Variants in NKAIN2 observed in about 807,000 individuals in gnomAD.
NKAIN2 encodes the protein sodium/potassium transporting ATPase interacting 2, also known as sodium/potassium-transporting ATPase subunit beta-1-interacting protein 2.
NKAIN2 carries 14 observed loss-of-function variants against 32.6 expected under a neutral mutation model. The observed-to-expected ratio is 0.43, with a 90% CI of 0.28 to 0.67. NKAIN2 has a LOEUF of 0.67. NKAIN2 is among the 30% of genes least tolerant of loss of function. NKAIN2 has a pLI of 0.17. For synonymous variants in NKAIN2, 80 were observed against 87.2 expected (o/e 0.92, Z 0.46); for missense variants, 198 against 258.3 (o/e 0.77, Z 1.60).
chr6:124,635,910 T>C (rs577773479), intron 3 of NKAIN2, among the ~76,000 whole-genome samples: 32 of 151,946 alleles, frequency 2.1e-4, no homozygotes, highest in African/African-American at 5.3e-4. Context: ...CAAAGAAACA[T>C]TGGACTTGAA....
chr6:123,922,289 T>C (rs1352946286), intron 1 of NKAIN2, among the ~76,000 whole-genome samples: 6 of 152,208 alleles, frequency 3.9e-5, no homozygotes, highest in Admixed American at 1.3e-4. Flanking sequence ...GAAATATCTA[T>C]GGAAATGAGA....
chr6:123,976,349 A>G (rs1271340636), intron 1 of NKAIN2, among the ~76,000 whole-genome samples: 1 of 4,856 alleles, frequency 2.1e-4, no homozygotes, highest in African/African-American at 4.4e-4. Context: ...ATATGTTCCC[A>G]TATATATATA....
chr6:124,718,131 AT>A (rs773050859), intron 4 of NKAIN2, among the ~76,000 whole-genome samples: 1 of 152,080 alleles, frequency 6.6e-6, no homozygotes. Context: ...GAATTCAATG[AT>A]TTTTTTAGTA....
chr6:124,111,467 G>C (rs1015044879), intron 1 of NKAIN2, among the ~76,000 whole-genome samples: 5 of 151,682 alleles, frequency 3.3e-5, no homozygotes, highest in African/African-American at 1.2e-4. Context: ...CTTTTTCTTT[G>C]TCTCTGAAAT....
At position 124,671,887 on chromosome 6, in the gene NKAIN2, C is replaced by A. The variant is rs145503531; in HGVS notation, c.474+13501C>A. Among the ~76,000 whole-genome samples the A allele has an allele frequency of 1.4e-4, 22 of 151,908 alleles. 2 individuals are homozygous for A. Among genetic ancestry groups the A allele is most frequent in the African/African-American group, 5.3e-4 (22 of 41,468 alleles). On this transcript the variant is annotated intron_variant, in intron 4 of 6. Transcript: ENST00000368417. The stretch of plus-strand genomic sequence containing the variant: ...ATTAAATTATAGATGACTCTGGAGG[C>A]AATCCAGTTAGTTACAAATTGAGGT...
intron 1 of NKAIN2, among the ~76,000 whole-genome samples, chr6:124,196,034 C>A (rs1032529726): frequency 3.9e-5 from 6 of 152,072 alleles, no homozygotes; most frequent in African/African-American, 1.4e-4. Flanking sequence ...ATGCAAATAT[C>A]TACCACTAAA....
intron 4 of NKAIN2, among the ~76,000 whole-genome samples, chr6:124,672,231 C>T (rs183587321): frequency 2.6e-5 from 4 of 152,048 alleles, no homozygotes; most frequent in Admixed American, 6.6e-5. Flanking sequence ...TCTTGTGAGC[C>T]GGGAAGCAAA....
chr6:124,396,015 C>G (rs568433737), intron 3 of NKAIN2, among the ~76,000 whole-genome samples: 3 of 152,090 alleles, frequency 2.0e-5, no homozygotes, highest in African/African-American at 7.2e-5. Flanking sequence ...CATACAAAAC[C>G]TCTGCCCTCA....
At chr6:124,014,501 AGT>A (rs1780478621) in intron 1 of NKAIN2, among the ~76,000 whole-genome samples, 1 of 152,038 alleles carries the variant, frequency 6.6e-6, no homozygotes, top group Admixed American at 6.6e-5. Flanking sequence ...GGACATTGAC[AGT>A]GTTTCCAGTA....
At chr6:124,185,412 T>A (rs1286984391) in intron 1 of NKAIN2, among the ~76,000 whole-genome samples, 1 of 152,000 alleles carries the variant, frequency 6.6e-6, no homozygotes, top group Non-Finnish European at 1.5e-5. Flanking sequence ...CAGAAAACCA[T>A]CTCCCACCAA....
chr6:124,767,843 G>T (rs901265986), intron 4 of NKAIN2, among the ~76,000 whole-genome samples: 1 of 151,860 alleles, frequency 6.6e-6, no homozygotes, highest in Non-Finnish European at 1.5e-5. Flanking sequence ...TTTTCGTCTG[G>T]TGCCTCCCAC....
intron 3 of NKAIN2, among the ~76,000 whole-genome samples, chr6:124,452,686 C>T (rs1776157438): frequency 6.6e-6 from 1 of 151,976 alleles, no homozygotes; most frequent in Admixed American, 6.6e-5. Context: ...AAAACTTAAC[C>T]TTTAGATATT....
chr6:124,134,980 G>A (rs1786663925), intron 1 of NKAIN2, among the ~76,000 whole-genome samples: 1 of 152,058 alleles, frequency 6.6e-6, no homozygotes, highest in African/African-American at 2.4e-5. Context: ...AGGGATTGGG[G>A]TCCTATCTTT....
At chr6:124,428,125 C>G (rs934638598) in intron 3 of NKAIN2, among the ~76,000 whole-genome samples, 7 of 152,028 alleles carry the variant, frequency 4.6e-5, no homozygotes, top group South Asian at 4.2e-4. Context: ...ATAGATCCAG[C>G]AGGTTTTCAA....
intron 4 of NKAIN2, among the ~76,000 whole-genome samples, chr6:124,727,026 G>A (rs1776359621): frequency 6.6e-6 from 1 of 151,690 alleles, no homozygotes. Flanking sequence ...AAAAAGAAAT[G>A]AGCAAAGCCT....
chr6:123,818,786 A>G (rs1392205701), intron 1 of NKAIN2, among the ~76,000 whole-genome samples: 1 of 152,182 alleles, frequency 6.6e-6, no homozygotes, highest in African/African-American at 2.4e-5. Flanking sequence ...ATTTTTGTGT[A>G]GAGGAAATTC....
intron 1 of NKAIN2, among the ~76,000 whole-genome samples, chr6:124,227,157 G>A (rs1487896580): frequency 6.6e-6 from 1 of 151,304 alleles, no homozygotes; most frequent in Non-Finnish European, 1.5e-5. Flanking sequence ...CTTATTGAGT[G>A]CATTTATGCC....
intron 1 of NKAIN2, among the ~76,000 whole-genome samples, chr6:123,842,370 T>A (rs1562213117): frequency 6.6e-6 from 1 of 152,150 alleles, no homozygotes; most frequent in Admixed American, 6.5e-5. Context: ...CCTTATGTGG[T>A]GGAGTAAAAG....
intron 5 of NKAIN2, among the ~76,000 whole-genome samples, chr6:124,810,930 A>AAG (rs1780877378): frequency 6.6e-6 from 1 of 151,676 alleles, no homozygotes; most frequent in African/African-American, 2.4e-5. Flanking sequence ...AAAAAAAAAA[A>AAG]AAAAGCTCAG....
Sources: gnomAD v4.1 joint callset for allele counts (sites outside exome capture counted in the v4.1 genomes callset) on GRCh38, gnomAD v4.1.1 for gene constraint, MANE v1.5 for transcripts, NCBI Gene and HGNC (gene_info 2026-07-23, HGNC 2026-07-21) for gene names.